Variants in ROPN1L observed in about 807,000 individuals in gnomAD.
The protein encoded by ROPN1L is ropporin-1-like protein.
ROPN1L carries 23 observed loss-of-function variants against 22.7 expected under a neutral mutation model. The observed-to-expected ratio is 1.01, with a 90% CI of 0.73 to 1.43. ROPN1L has a LOEUF of 1.43. Among genes scored for constraint, ROPN1L ranks in the 40% most tolerant of loss-of-function variants. The pLI, the probability that ROPN1L is intolerant of heterozygous loss-of-function variation, is 0.00. For synonymous variants in ROPN1L, 116 were observed against 117.8 expected (o/e 0.98, Z 0.10); for missense variants, 271 against 291.5 (o/e 0.93, Z 0.51).
chr5:10,458,552 A>C (rs1398432778), intron 3 of ROPN1L, among the ~76,000 whole-genome samples: 2 of 27,984 alleles, frequency 7.1e-5, no homozygotes, highest in Admixed American at 5.9e-4. Context: ...CGTGTACACC[A>C]TCCCCCCCAT....
At chr5:10,462,439 C>A (rs530935398) in intron 4 of ROPN1L, among the ~76,000 whole-genome samples, 54 of 152,318 alleles carry the variant, frequency 3.5e-4, no homozygotes, top group African/African-American at 1.2e-3. Flanking sequence ...CAGAAGGGAG[C>A]CCGACCTCTC....
chr5:10,475,851 T>C (rs558332190), downstream of ROPN1L, among the ~76,000 whole-genome samples: 3 of 152,344 alleles, frequency 2.0e-5, no homozygotes, highest in South Asian at 2.1e-4. Context: ...TTAAAGCACG[T>C]AGAAGTTTAT....
chr5:10,452,466 A>G (rs1016697468), intron 3 of ROPN1L, among the ~76,000 whole-genome samples: 4 of 150,320 alleles, frequency 2.7e-5, no homozygotes, highest in Non-Finnish European at 5.9e-5. Context: ...CCTCCCAAGT[A>G]GCTGGGATTA....
chr5:10,470,477 A>G (rs1735228111), intron 4 of ROPN1L, among the ~76,000 whole-genome samples: 1 of 152,182 alleles, frequency 6.6e-6, no homozygotes, highest in Non-Finnish European at 1.5e-5. Flanking sequence ...ATCCAACAGC[A>G]TTCCCCGTAT....
chr5:10,474,066 C>T (rs1296481052), downstream of ROPN1L, among the ~76,000 whole-genome samples: 1 of 151,606 alleles, frequency 6.6e-6, no homozygotes, highest in Non-Finnish European at 1.5e-5. Flanking sequence ...GCACAAAAAT[C>T]GCTTGAGCCC....
At chr5:10,479,333 C>T in the ROPN1L span, 1 of 152,348 alleles carries the variant, frequency 6.6e-6, no homozygotes, top group South Asian at 2.1e-4. Flanking sequence ...CCCAGCCCCC[C>T]AGATGTGATG....
rs1026186879 is a variant in ROPN1L, at chr5:10,442,109, C to A, written c.-59C>A. 3.8e-6 allele frequency: 6 copies of A among 1,573,924 alleles called. No homozygotes were observed. In the African/African-American group the frequency reaches 4.0e-5, roughly 11 times the overall value. ...GGTCCACCGCGTCGTAGCCGACAGC[C>A]GCCCTTCTTCCTCGCAGCGCGCCGC... On this transcript the variant is annotated 5_prime_UTR_variant, in exon 1 of 5. Transcript: ENST00000274134.
chr5:10,482,792 A>C, the ROPN1L span, among the ~76,000 whole-genome samples: 3 of 152,222 alleles, frequency 2.0e-5, no homozygotes, highest in Non-Finnish European at 4.4e-5. Flanking sequence ...AAGAATCATG[A>C]GATAAAATAA....
intron 3 of ROPN1L, among the ~76,000 whole-genome samples, chr5:10,455,720 C>T (rs2126450892): frequency 6.6e-6 from 1 of 152,338 alleles, no homozygotes; most frequent in African/African-American, 2.4e-5. Flanking sequence ...AATTAGGAAA[C>T]TCTAGAGGAT....
rs531623083 is a variant in ROPN1L, at chr5:10,463,433, T to G, written c.594-1415T>G. Among the ~76,000 whole-genome samples the G allele has an allele frequency of 2.4e-4, 36 of 152,122 alleles. No individual in the cohort carries two copies. The East Asian group carries it at 6.6e-3, about 28-fold the overall frequency. ...AGAGGTGGTGGTGACAACCGCAGGG[T>G]CCGGGGAGCTGTGGTGCTGCAGAGT... On this transcript the variant is annotated intron_variant, in intron 4 of 4. Transcript: ENST00000274134.
chr5:10,448,337 CA>C lies in ROPN1L; in HGVS notation c.210del (p.Asp71ThrfsTer4), dbSNP rs1233885444. 6.2e-7 allele frequency: 1 copy of C among 1,614,224 alleles called. No individual in the cohort carries two copies. Among genetic ancestry groups the C allele is most frequent in the Non-Finnish European group, 8.5e-7 (1 of 1,180,046 alleles). ...GAAATGCCCACGGCAACCCAGAAAA[CA>C]GACACAGGCCTGACTCAAGGACTCC... ...RMEMPTATQK[T>X]DTGLTQGLLK... is the part of the protein sequence containing the mutation. On this transcript the variant is annotated frameshift_variant, in exon 2 of 5. Coordinates refer to ENST00000274134, the MANE Select transcript of ROPN1L (RefSeq NM_031916.5). LOFTEE classifies it high-confidence loss of function.
At chr5:10,479,645 T>C in the ROPN1L span, among the ~76,000 whole-genome samples, 1 of 152,236 alleles carries the variant, frequency 6.6e-6, no homozygotes, top group Admixed American at 6.5e-5. Flanking sequence ...GACTATTTCC[T>C]GGGCACTGTG....
intron 3 of ROPN1L, among the ~76,000 whole-genome samples, chr5:10,450,795 C>T (rs1029545250): frequency 2.6e-5 from 4 of 152,286 alleles, no homozygotes; most frequent in South Asian, 4.1e-4. Context: ...TGAGCCACCG[C>T]GCCGGCCTTA....
chr5:10,465,057 G>A, downstream of ROPN1L: 1 of 556,200 alleles, frequency 1.8e-6, no homozygotes, highest in Non-Finnish European at 3.1e-6. Flanking sequence ...TTCTCTAAAT[G>A]GGAATTTAGT....
At chr5:10,448,721 A>G (rs1044289313) in intron 2 of ROPN1L, among the ~76,000 whole-genome samples, 8 of 152,264 alleles carry the variant, frequency 5.3e-5, no homozygotes, top group Admixed American at 3.9e-4. Context: ...GGGGGTTTCC[A>G]GTCCGTTCTC....
chr5:10,450,163 A>G, intron 3 of ROPN1L, 50 bp downstream of exon 3: 1 of 1,431,942 alleles, frequency 7.0e-7, no homozygotes, highest in Non-Finnish European at 9.3e-7. Flanking sequence ...TCATGGTCCC[A>G]GCTTAAAAAT....
intron 4 of ROPN1L, among the ~76,000 whole-genome samples, chr5:10,463,318 C>A (rs1027031574): frequency 1.3e-5 from 2 of 152,234 alleles, no homozygotes; most frequent in African/African-American, 4.8e-5. Context: ...CTCATTTGTT[C>A]ATTCCCTAAA....
chr5:10,457,478 AC>A lies in ROPN1L; in HGVS notation c.418-3704del, dbSNP rs1734856059. On this transcript the variant is annotated intron_variant, in intron 3 of 4. Coordinates refer to ENST00000274134, the MANE Select transcript of ROPN1L (RefSeq NM_031916.5). Reference sequence around the variant, plus strand: ...GTCACTGGGGTGAGCTCAGAGGCCCACCGGCTGTGCTCCAGTCCTGGCTGGG... The same window carrying A: ...GTCACTGGGGTGAGCTCAGAGGCCCACGGCTGTGCTCCAGTCCTGGCTGGG... Among the ~76,000 whole-genome samples the A allele has an allele frequency of 2.0e-5, 3 of 152,316 alleles. No homozygotes were observed. The South Asian group carries it at 6.2e-4, about 32-fold the overall frequency.
At chr5:10,446,079 C>T (rs922117220) in intron 1 of ROPN1L, among the ~76,000 whole-genome samples, 1 of 152,228 alleles carries the variant, frequency 6.6e-6, no homozygotes, top group African/African-American at 2.4e-5. Context: ...GGGGAGTCGG[C>T]TGTTCCTTAT....
Sources: gnomAD v4.1 joint callset for allele counts (sites outside exome capture counted in the v4.1 genomes callset) on GRCh38, gnomAD v4.1.1 for gene constraint, MANE v1.5 for transcripts, NCBI Gene and HGNC (gene_info 2026-07-23, HGNC 2026-07-21) for gene names.